The following LRIT3 variants were observed in gnomAD, a reference collection of about 807,000 sequenced individuals.
The protein encoded by LRIT3 is leucine-rich repeat, immunoglobulin-like domain and transmembrane domain-containing protein 3.
A neutral mutation model predicts 22.6 loss-of-function variants in LRIT3; 14 were observed. That is an observed-to-expected ratio of 0.62 (90% confidence interval 0.41 to 0.97). The LOEUF (loss-of-function observed/expected upper bound fraction) is 0.97. Among genes scored for constraint, LRIT3 ranks in the 50% least tolerant of loss-of-function variants. The pLI, the probability that LRIT3 is intolerant of heterozygous loss-of-function variation, is 0.00. For missense variants in LRIT3, 783 were observed against 803.0 expected, an observed-to-expected ratio of 0.98 and a Z score of 0.30; for synonymous variants, 306 against 304.5, an observed-to-expected ratio of 1.01 and a Z score of -0.05.
intron 2 of LRIT3, among the ~76,000 whole-genome samples, chr4:109,866,808 T>C (rs1236106428): frequency 2.6e-5 from 4 of 152,182 alleles, no homozygotes; most frequent in Admixed American, 2.6e-4. Context: ...CCCAAAGGCT[T>C]CTGCTAACAA....
chr4:109,869,646 A>T lies in LRIT3; in HGVS notation c.897A>T (p.Val299=). 1 of 1,533,308 alleles carries T rather than the reference A, an allele frequency of 6.5e-7. No individual in the cohort carries two copies. Among genetic ancestry groups the T allele is most frequent in the Non-Finnish European group, 8.7e-7 (1 of 1,143,088 alleles). 95.0% of individuals were successfully genotyped at this position (1,533,308 alleles called of 1,614,324 possible). ...GACTATACATTTGTTTTCTTCCAGT[A>T]ATACAAGAATCTCCAGAGGAAGGAG... ...RSDSSPVNYT[V]IQESPEEGVR... Residue 299 remains valine (V), a splice_region_variant and synonymous_variant, in exon 4 of 4, where the codon GTA becomes GTT. Transcript: ENST00000594814.
intron 2 of LRIT3, among the ~76,000 whole-genome samples, chr4:109,863,462 T>G (rs559084343): frequency 1.4e-4 from 22 of 152,336 alleles, no homozygotes; most frequent in African/African-American, 5.3e-4. Flanking sequence ...TTCAGACGCT[T>G]AGTGCCGTTG....
rs1474985853 is a variant in LRIT3, at chr4:109,851,549, C to T, written c.162C>T (p.Asn54=). 1 of 1,550,674 alleles carries T rather than the reference C, an allele frequency of 6.4e-7. No individual in the cohort carries two copies. Reference sequence around the variant, plus strand: ...TGGATATGAACGAGCTGCCTACGAACCTCCCCGTGGACACTGTGAAGCTTC... The same window carrying T: ...TGGATATGAACGAGCTGCCTACGAATCTCCCCGTGGACACTGTGAAGCTTC... ...NDMDMNELPT[N]LPVDTVKLRI... is the part of the protein sequence containing the mutation. Residue 54 remains asparagine (N), a synonymous_variant, in exon 2 of 4, where the codon AAC becomes AAT. Transcript: ENST00000594814.
At chr4:109,865,653 G>T (rs945005344) in intron 2 of LRIT3, among the ~76,000 whole-genome samples, 1 of 152,258 alleles carries the variant, frequency 6.6e-6, no homozygotes, top group Middle Eastern at 3.4e-3. Flanking sequence ...AAGATTTTAA[G>T]TACTATGTTT....
rs1054476083 is a variant in LRIT3, at chr4:109,848,300, T to C, written c.99T>C (p.Asn33=). ...SQCTCDYHGR[N]DGSGSRLVLC... is the part of the protein sequence containing the mutation. ...GCACCTGTGATTATCACGGCAGAAA[T>C]GACGGCTCAGGATCAAGGTATGCTC... The change falls in exon 1 of 4, where the codon AAT becomes AAC. Residue 33 remains asparagine, a synonymous_variant. Transcript: ENST00000594814. 20 of 1,231,824 alleles carry C rather than the reference T, an allele frequency of 1.6e-5. No homozygotes were observed. The highest frequency in any genetic ancestry group is 2.0e-6 in the Non-Finnish European group (2 of 987,700). The allele number at this position is 1,231,824 out of a possible 1,614,324, so 76.3% of individuals were successfully genotyped here.
At chr4:109,865,058 G>A in intron 2 of LRIT3, 1 of 1,410,158 alleles carries the variant, frequency 7.1e-7, no homozygotes, top group South Asian at 1.7e-5. Flanking sequence ...GGATTTTAGT[G>A]TTAGTTTGTT....
Position 109,870,252 on chromosome 4 carries a change from A to G in LRIT3, c.1503A>G (p.Thr501=), listed in dbSNP as rs1475479287. The G allele has an allele frequency of 6.2e-7, 1 of 1,614,224 alleles. No individual in the cohort carries two copies. The highest frequency in any genetic ancestry group is 8.5e-7 in the Non-Finnish European group (1 of 1,180,026). Reference sequence around the variant, plus strand: ...TCAGTGAGACTAAAGAGAGTGTGACATTGACGTGGAATATGATCAACACCA... The same window carrying G: ...TCAGTGAGACTAAAGAGAGTGTGACGTTGACGTGGAATATGATCAACACCA... ...RVVSETKESV[T]LTWNMINTTH... is the part of the protein sequence containing the mutation. Residue 501 remains threonine, a synonymous_variant, in exon 4 of 4, where the codon ACA becomes ACG. Transcript: ENST00000594814.
intron 3 of LRIT3, 32 bp downstream of exon 3, chr4:109,867,978 GA>G: frequency 1.3e-6 from 2 of 1,576,646 alleles, no homozygotes; most frequent in Non-Finnish European, 1.7e-6. Flanking sequence ...ATGATCAAAG[GA>G]GTTTACTAAG....
chr4:109,869,158 A>G lies in LRIT3; in HGVS notation c.896-487A>G, dbSNP rs1478942151. The stretch of plus-strand genomic sequence containing the variant: ...AAAATGATCTGCTGTACCTCTGGCT[A>G]TAGAGATATATGCATTTTATTACCA... On this transcript the variant is annotated intron_variant, in intron 3 of 3. Transcript: ENST00000594814. 2.6e-5 allele frequency among the ~76,000 whole-genome samples: 4 copies of G among 152,212 alleles called. No homozygotes were observed. In the South Asian group the frequency reaches 8.3e-4, roughly 31 times the overall value.
chr4:109,860,304 G>A (rs1242943728), intron 2 of LRIT3, among the ~76,000 whole-genome samples: 1 of 152,120 alleles, frequency 6.6e-6, no homozygotes, highest in Non-Finnish European at 1.5e-5. Context: ...TTTGCCTGAA[G>A]GATGGTGGCA....
In LRIT3 at chr4:109,863,515, C is replaced by T. The variant is rs533820531; in HGVS notation, c.590-4126C>T. Among the ~76,000 whole-genome samples, 272 of 152,296 alleles carry T rather than the reference C, an allele frequency of 1.8e-3. 2 individuals carry two copies. The Middle Eastern group carries it at 0.031, about 17-fold the overall frequency. ...TCTCTGCATGTCTTGTGAGCAGAGG[C>T]AGACATTGATTACCTTTTATTCTGC... is the stretch of plus-strand genomic sequence containing the variant. On this transcript the variant is annotated intron_variant, in intron 2 of 3. Coordinates refer to ENST00000594814, the MANE Select transcript of LRIT3 (RefSeq NM_198506.5).
intron 2 of LRIT3, among the ~76,000 whole-genome samples, chr4:109,866,117 G>T (rs1342063047): frequency 2.0e-5 from 3 of 152,126 alleles, no homozygotes; most frequent in Non-Finnish European, 4.4e-5. Context: ...AGCCAGTCAT[G>T]ACTTGCTATT....
chr4:109,854,684 T>A (rs989721949), intron 2 of LRIT3, among the ~76,000 whole-genome samples: 1 of 152,218 alleles, frequency 6.6e-6, no homozygotes, highest in Admixed American at 6.5e-5. Context: ...TTTTGCCCAT[T>A]CAGTATGATA....
intron 2 of LRIT3, among the ~76,000 whole-genome samples, chr4:109,858,310 G>A (rs903063641): frequency 1.3e-5 from 2 of 152,124 alleles, no homozygotes; most frequent in African/African-American, 4.8e-5. Flanking sequence ...GACCTGGATC[G>A]CTGGAGACAA....
At chr4:109,850,414 C>CTTTCTTT (rs1560588921) in intron 1 of LRIT3, among the ~76,000 whole-genome samples, 869 of 11,726 alleles carry the variant, frequency 0.074, 85 homozygotes, top group Non-Finnish European at 0.09. Context: ...TTCCTTCCTT[C>CTTTCTTT]CTTCCTTCCT....
Position 109,869,945 on chromosome 4 carries a change from C to T in LRIT3, c.1196C>T (p.Ala399Val). ...TTCTCCCCCACATCTTCTTTTTCTG[C>T]TTCTACTTTGTCTCCTCCCTCTACT... ...SSFSPTSSFS[A>V]STLSPPSTAS... The change falls in exon 4 of 4, where the codon GCT becomes GTT. Residue 399 changes from alanine (A) to valine (V), a missense_variant. Around this residue, in one of 2 missense-constraint regions of LRIT3, gnomAD observed 756 missense variants for 753.8 expected, o/e 1.00. Coordinates refer to ENST00000594814, the MANE Select transcript of LRIT3 (RefSeq NM_198506.5). The T allele has an allele frequency of 1.2e-6, 2 of 1,614,118 alleles. No individual in the cohort carries two copies. The highest frequency in any genetic ancestry group is 1.3e-5 in the African/African-American group (1 of 75,038).
chr4:109,866,009 G>C (rs1320682903), intron 2 of LRIT3, among the ~76,000 whole-genome samples: 1 of 152,092 alleles, frequency 6.6e-6, no homozygotes, highest in East Asian at 1.9e-4. Context: ...TTAAATATAA[G>C]AGGAAAAGTT....
intron 2 of LRIT3, among the ~76,000 whole-genome samples, chr4:109,865,884 T>A (rs1734666567): frequency 6.6e-6 from 1 of 152,186 alleles, no homozygotes; most frequent in East Asian, 1.9e-4. Flanking sequence ...ATCATAGCAA[T>A]ATAAAATAAA....
intron 1 of LRIT3, among the ~76,000 whole-genome samples, chr4:109,850,813 T>C (rs1465899926): frequency 6.6e-6 from 1 of 152,048 alleles, no homozygotes; most frequent in East Asian, 1.9e-4. Context: ...ATGCCTGTTT[T>C]ATATGTGCCA....
Sources: allele counts gnomAD v4.1 joint callset (sites outside exome capture counted in the v4.1 genomes callset), GRCh38; gene constraint gnomAD v4.1.1; regional missense constraint gnomAD v4.1.1; transcripts MANE v1.5; gene names NCBI Gene and HGNC (gene_info 2026-07-23, HGNC 2026-07-21).